The following CA9 variants were observed in gnomAD, a reference collection of about 807,000 sequenced individuals.
CA9 encodes carbonic anhydrase 9.
CA9 carries 43 observed loss-of-function variants against 51.8 expected under a neutral mutation model. That is an observed-to-expected ratio of 0.83 (90% CI 0.65 to 1.07). CA9 has a LOEUF of 1.07. Ranked by LOEUF, CA9 falls within the 50% of genes least tolerant of loss-of-function variation. CA9 has a pLI of 0.00. For synonymous variants in CA9, 253 were observed against 244.2 expected, an observed-to-expected ratio of 1.04 and a Z score of -0.34; for missense variants, 574 against 581.4, an observed-to-expected ratio of 0.99 and a Z score of 0.13.
Position 35,675,893 on chromosome 9 carries a change from C to G in CA9, c.566C>G (p.Pro189Arg). The change falls in exon 3 of 11, where the codon CCG becomes CGG. Residue 189 changes from proline to arginine, a missense_variant. By Grantham distance (103) the Pro-to-Arg change is moderately radical. Coordinates refer to ENST00000378357, the MANE Select transcript of CA9 (RefSeq NM_001216.3). ...GAACTCCTGGGCTTCCAGCTCCCGCCGCTCCCAGAACTGCGCCTGCGCAAC... is the reference window on the plus strand; with the variant it reads ...GAACTCCTGGGCTTCCAGCTCCCGCGGCTCCCAGAACTGCGCCTGCGCAAC... ...PLELLGFQLP[P>R]LPELRLRNNG... 6.2e-7 allele frequency: 1 copy of G among 1,608,902 alleles called. No individual in the cohort carries two copies.
chr9:35,677,965 A>G (rs1254613129), intron 6 of CA9, 109 bp downstream of exon 6: 1 of 876,024 alleles, frequency 1.1e-6, no homozygotes, highest in African/African-American at 1.6e-5. Context: ...TGCAGGAGGG[A>G]TTGAAGCATG....
At position 35,676,700 on chromosome 9, in the gene CA9, G is replaced by T. The variant is rs939931081; in HGVS notation, c.840+311G>T. Reference sequence around the variant, plus strand: ...GAGGTGACACTTAAAGCCTTCACTGGTAGAAAAGAAAAGGAGGTGTTCATT... The same window carrying T: ...GAGGTGACACTTAAAGCCTTCACTGTTAGAAAAGAAAAGGAGGTGTTCATT... On this transcript the variant is annotated intron_variant, in intron 5 of 10. Transcript: ENST00000378357. Among the ~76,000 whole-genome samples the T allele has an allele frequency of 5.3e-5, 8 of 152,240 alleles. 1 individual carries two copies. The highest frequency in any genetic ancestry group is 5.2e-4 in the Admixed American group (8 of 15,292).
At position 35,675,935 on chromosome 9, in the gene CA9, A is replaced by AG. The variant is rs1433824346; in HGVS notation, c.604+9dup. The stretch of plus-strand genomic sequence containing the variant: ...CTGCGCAACAATGGCCACAGTGGTG[A>AG]GGGGGTCTCCCCGCCGAGACTTGGG... On this transcript the variant is annotated splice_donor_region_variant and intron_variant, in intron 3 of 10. Coordinates refer to ENST00000378357, the MANE Select transcript of CA9 (RefSeq NM_001216.3). 2 of 1,598,448 alleles carry AG rather than the reference A, an allele frequency of 1.3e-6. No homozygotes were observed. The highest frequency in any genetic ancestry group is 1.7e-6 in the Non-Finnish European group (2 of 1,172,050).
Position 35,676,338 on chromosome 9 carries a change from C to G in CA9, c.789C>G (p.Asp263Glu), listed in dbSNP as rs757564068. The change falls in exon 5 of 11, where the codon GAC (aspartate) becomes GAG (glutamate). Residue 263 changes from aspartate (D) to glutamate (E), a missense_variant. Coordinates refer to ENST00000378357, the MANE Select transcript of CA9 (RefSeq NM_001216.3). ...TCAGCACCGCCTTTGCCAGAGTTGA[C>G]GAGGCCTTGGGGCGCCCGGGAGGCC... is the stretch of plus-strand genomic sequence containing the variant. Reference protein sequence around the residue: ...VHLSTAFARVDEALGRPGGLA... With the variant: ...VHLSTAFARVEEALGRPGGLA... The G allele has an allele frequency of 1.9e-5, 30 of 1,614,026 alleles. No individual in the cohort carries two copies. The highest frequency in any genetic ancestry group is 2.2e-5 in the Non-Finnish European group (26 of 1,179,990).
intron 1 of CA9, chr9:35,675,306 T>A (rs1179288733): frequency 3.4e-6 from 2 of 590,962 alleles, no homozygotes; most frequent in Admixed American, 5.9e-5. Context: ...AAGCAGCCAC[T>A]CACTTTTACA....
In CA9 at chr9:35,681,015, C is replaced by T; in HGVS notation, c.1370C>T (p.Thr457Ile). The part of the protein sequence containing the change: ...VSYRPAEVAE[T>I]GA ...TACCGCCCAGCAGAGGTAGCCGAGA[C>T]TGGAGCCTAGAGGCTGGATCTTGGA... The change falls in exon 11 of 11, where the codon ACT (threonine) becomes ATT (isoleucine). Residue 457 changes from threonine to isoleucine, a missense_variant. Transcript: ENST00000378357. The T allele has an allele frequency of 6.2e-7, 1 of 1,613,874 alleles. No individual in the cohort carries two copies. The highest frequency in any genetic ancestry group is 1.3e-5 in the African/African-American group (1 of 75,030).
chr9:35,674,546 AG>A (rs1284172751), intron 1 of CA9, 184 bp downstream of exon 1: 1 of 579,342 alleles, frequency 1.7e-6, no homozygotes, highest in Non-Finnish European at 3.0e-6. Context: ...ACAGATGTGG[AG>A]AGAAAATAAA....
At chr9:35,678,920 T>G (rs1253039580) in intron 6 of CA9, among the ~76,000 whole-genome samples, 1 of 151,500 alleles carries the variant, frequency 6.6e-6, no homozygotes, top group East Asian at 1.9e-4. Flanking sequence ...CTTCTTTCCT[T>G]CTCTTCCTTC....
At chr9:35,680,666 G>A (rs1824528995) in intron 9 of CA9, 87 bp from the exon 10 acceptor site, 1 of 1,065,578 alleles carries the variant, frequency 9.4e-7, no homozygotes, top group Non-Finnish European at 1.4e-6. Flanking sequence ...TCGGGGCAGG[G>A]GTGGTGGAGT....
chr9:35,680,059 G>A (rs1824505846), intron 8 of CA9, 54 bp from the exon 9 acceptor site: 2 of 1,614,198 alleles, frequency 1.2e-6, no homozygotes, highest in South Asian at 1.1e-5. Context: ...GTGTGTGCCA[G>A]TGTCTGTCAT....
chr9:35,680,802 C>T lies in CA9; in HGVS notation c.1287C>T (p.Val429=), dbSNP rs775703331. 3.1e-6 allele frequency: 5 copies of T among 1,614,126 alleles called. No homozygotes were observed. Among genetic ancestry groups the T allele is most frequent in the Non-Finnish European group, 2.5e-6 (3 of 1,180,046 alleles). Residue 429 remains valine, a synonymous_variant, in exon 10 of 11, where the codon GTC becomes GTT. Transcript: ENST00000378357. The part of the protein sequence containing the change: ...VFGLLFAVTS[V]AFLVQMRRQH... ...GCCTCCTTTTTGCTGTCACCAGCGT[C>T]GCGTTCCTTGTGCAGATGAGAAGGC...
chr9:35,676,000 G>T (rs1320611220), intron 3 of CA9, 64 bp from the exon 4 acceptor site: 2 of 1,604,044 alleles, frequency 1.2e-6, no homozygotes, highest in East Asian at 2.2e-5. Context: ...TCGCGGCAGT[G>T]CCTGCCCGGG....
Position 35,679,454 on chromosome 9 carries a change from T to C in CA9, c.1065+112T>C, listed in dbSNP as rs2131840040. The C allele has an allele frequency of 2.2e-6, 3 of 1,349,246 alleles. No homozygotes were observed. The East Asian group carries it at 7.1e-5, about 32-fold the overall frequency. The allele number at this position is 1,349,246 out of a possible 1,614,324, so 83.6% of individuals were successfully genotyped here. A position where few individuals can be genotyped will look rare whatever the true frequency, so the allele number is the denominator to read the frequency against. On this transcript the variant is annotated intron_variant, in intron 7 of 10. Coordinates refer to ENST00000378357, the MANE Select transcript of CA9 (RefSeq NM_001216.3). ...GGCTGGGCTCTGTGGCTTACGCCTA[T>C]AATCCCACCACGTTGGGAGGCTGAG...
At position 35,674,055 on chromosome 9, in the gene CA9, GGTGCC is replaced by G; in HGVS notation, c.97_101del (p.Val33CysfsTer24). On this transcript the variant is annotated frameshift_variant, in exon 1 of 11. Transcript: ENST00000378357. LOFTEE classifies it high-confidence loss of function. ...AACTGCTGCTGTCACTGCTGCTTCT[GGTGCC>G]TGTCCATCCCCAGAGGTTGCCCCGG... 6.2e-7 allele frequency: 1 copy of G among 1,614,194 alleles called. No individual in the cohort carries two copies. Among genetic ancestry groups the G allele is most frequent in the Non-Finnish European group, 8.5e-7 (1 of 1,180,038 alleles).
Position 35,676,044 on chromosome 9 carries a change from A to C in CA9, c.605-20A>C, listed in dbSNP as rs1824414071. ...TGGCCCTACCGGGCGGGGCCGGCTC[A>C]CTTGCCTCTCCCTACGCAGTGCAAC... On this transcript the variant is annotated intron_variant, in intron 3 of 10. Transcript: ENST00000378357. 1 of 1,611,538 alleles carries C rather than the reference A, an allele frequency of 6.2e-7. No homozygotes were observed. Among genetic ancestry groups the C allele is most frequent in the African/African-American group, 1.3e-5 (1 of 74,820 alleles).
chr9:35,674,159 G>A lies in CA9; in HGVS notation c.200G>A (p.Ser67Asn), dbSNP rs1563921541. The change falls in exon 1 of 11, where the codon AGT (serine) becomes AAT (asparagine). Residue 67 changes from serine (S) to asparagine (N), a missense_variant. Transcript: ENST00000378357. ...DDPLGEEDLP[S>N]EEDSPREEDP... ...CCACTGGGCGAGGAGGATCTGCCCA[G>A]TGAAGAGGATTCACCCAGAGAGGAG... is the stretch of plus-strand genomic sequence containing the variant. 1.2e-6 allele frequency: 2 copies of A among 1,614,200 alleles called. No individual in the cohort carries two copies. Among genetic ancestry groups the A allele is most frequent in the Non-Finnish European group, 8.5e-7 (1 of 1,180,020 alleles).
Position 35,675,483 on chromosome 9 carries a change from C to T in CA9, c.404-55C>T, listed in dbSNP as rs1824397686. ...TGCGTTTGTGACATCGTTTTGGTCG[C>T]CAGGAAGGGATTGGGGCTCTAAGCT... On this transcript the variant is annotated intron_variant, in intron 1 of 10. Coordinates refer to ENST00000378357, the MANE Select transcript of CA9 (RefSeq NM_001216.3). 5 of 1,603,444 alleles carry T rather than the reference C, an allele frequency of 3.1e-6. No homozygotes were observed. In the Admixed American group the frequency reaches 8.3e-5, roughly 27 times the overall value.
At chr9:35,677,078 C>T (rs1050168182) in intron 5 of CA9, among the ~76,000 whole-genome samples, 1 of 152,004 alleles carries the variant, frequency 6.6e-6, no homozygotes, top group Admixed American at 6.6e-5. Flanking sequence ...TGGTCTCAAA[C>T]TCCTGGCCTC....
chr9:35,675,878 G>T lies in CA9; in HGVS notation c.551G>T (p.Gly184Val), dbSNP rs866801817. Residue 184 changes from glycine (G) to valine (V), a missense_variant, in exon 3 of 11, where the codon GGC becomes GTC. By Grantham distance (109) the Gly-to-Val change is moderately radical. Coordinates refer to ENST00000378357, the MANE Select transcript of CA9 (RefSeq NM_001216.3). Reference protein sequence around the residue: ...CPALRPLELLGFQLPPLPELR... With the variant: ...CPALRPLELLVFQLPPLPELR... The stretch of plus-strand genomic sequence containing the variant: ...GCCCTGCGCCCCCTGGAACTCCTGG[G>T]CTTCCAGCTCCCGCCGCTCCCAGAA... 1 of 1,606,346 alleles carries T rather than the reference G, an allele frequency of 6.2e-7. No individual in the cohort carries two copies. The highest frequency in any genetic ancestry group is 8.5e-7 in the Non-Finnish European group (1 of 1,179,074).
Sources: gnomAD v4.1 joint callset for allele counts (sites outside exome capture counted in the v4.1 genomes callset) on GRCh38, gnomAD v4.1.1 for gene constraint, MANE v1.5 for transcripts, NCBI Gene and HGNC (gene_info 2026-07-23, HGNC 2026-07-21) for gene names.